The following ABCC12 variants were observed in gnomAD, a reference collection of about 807,000 sequenced individuals.
The protein encoded by ABCC12 is ATP-binding cassette sub-family C member 12.
In ABCC12, 142 loss-of-function variants were observed where a neutral mutation model predicts 151.1. That is an observed-to-expected ratio of 0.94 (90% CI 0.82 to 1.08). The LOEUF is 1.08. Ranked by LOEUF, ABCC12 falls within the 50% of genes least tolerant of loss-of-function variation. The pLI, the probability that ABCC12 is intolerant of heterozygous loss-of-function variation, is 0.00. For synonymous variants in ABCC12, 645 were observed against 646.4 expected (o/e 1.00, Z 0.03); for missense variants, 1,638 against 1,691.1 (o/e 0.97, Z 0.55).
At chr16:48,097,419 TCC>T (rs774766899) in intron 23 of ABCC12, among the ~76,000 whole-genome samples, 94 of 152,282 alleles carry the variant, frequency 6.2e-4, no homozygotes, top group Middle Eastern at 3.4e-3. Context: ...TAGGTTTCCC[TCC>T]CTGAATCAGA....
At chr16:48,141,398 G>A in intron 4 of ABCC12, 45 bp from the exon 5 acceptor site, 1 of 1,608,428 alleles carries the variant, frequency 6.2e-7, no homozygotes, top group Non-Finnish European at 8.5e-7. Flanking sequence ...GCACTTCTAT[G>A]TGCTGTTTGA....
At chr16:48,155,673 T>A (rs954842983) in intron 1 of ABCC12, 168 bp downstream of exon 1, 2 of 152,244 alleles carry the variant, frequency 1.3e-5, no homozygotes, top group African/African-American at 4.8e-5. Flanking sequence ...TCGTCCCTGC[T>A]GCCTCCCACT....
chr16:48,125,111 G>C (rs1964197190), intron 11 of ABCC12, among the ~76,000 whole-genome samples: 1 of 152,234 alleles, frequency 6.6e-6, no homozygotes, highest in African/African-American at 2.4e-5. Flanking sequence ...GGATTTGAAT[G>C]AAAGTCACAC....
chr16:48,117,134 T>G, intron 14 of ABCC12, 127 bp downstream of exon 14: 4 of 840,806 alleles, frequency 4.8e-6, no homozygotes, highest in Non-Finnish European at 7.2e-6. Context: ...GGGTGGAACC[T>G]GAGCTTTGCC....
At chr16:48,130,954 C>A in intron 9 of ABCC12, 59 bp from the exon 10 acceptor site, 2 of 1,206,630 alleles carry the variant, frequency 1.7e-6, no homozygotes, top group East Asian at 2.4e-5. Flanking sequence ...GGCTCTAAAC[C>A]GTTATACACA....
rs1481351066 is a variant in ABCC12 at position 48,083,971 on chromosome 16, T to C, written c.3931A>G (p.Ile1311Val). ...AGAACTGTGTTGAGGCGGTGGGCGA[T>C]GGTCAGCACAGTGCAGCCCTTGAAG... Reference protein sequence around the residue: ...DAFKGCTVLTIAHRLNTVLNC... With the variant: ...DAFKGCTVLTVAHRLNTVLNC... Residue 1311 changes from isoleucine to valine, a missense_variant, in exon 30 of 31, where the codon ATC (isoleucine) becomes GTC (valine). Ile to Val is a conservative substitution (Grantham distance 29). Transcript: ENST00000311303. 6.2e-7 allele frequency: 1 copy of C among 1,612,266 alleles called. No individual in the cohort carries two copies. The highest frequency in any genetic ancestry group is 1.3e-5 in the African/African-American group (1 of 74,602).
chr16:48,147,175 G>A (rs991896944), intron 2 of ABCC12, among the ~76,000 whole-genome samples: 3 of 152,230 alleles, frequency 2.0e-5, no homozygotes, highest in Admixed American at 6.5e-5. Flanking sequence ...CCCAGGTGGA[G>A]AGGACACTTT....
chr16:48,120,184 G>C (rs1843239097), intron 13 of ABCC12, among the ~76,000 whole-genome samples: 1 of 152,138 alleles, frequency 6.6e-6, no homozygotes, highest in African/African-American at 2.4e-5. Context: ...TGAGGCAGCT[G>C]GACTTCATTA....
chr16:48,128,608 A>G lies in ABCC12; in HGVS notation c.1366T>C (p.Leu456=), dbSNP rs1453952698. The part of the protein sequence containing the change: ...EASRKSTPKK[L]QNQKRHLCKK... ...CATAAATGCCTTTTCTGGTTCTGCA[A>G]TTTCTTTGGGGTACTTTTCCTGCTG... is the stretch of plus-strand genomic sequence containing the variant. The change falls in exon 11 of 31, where the codon TTG becomes CTG. Residue 456 remains leucine (L), a synonymous_variant. Transcript: ENST00000311303. 1 of 1,613,942 alleles carries G rather than the reference A, an allele frequency of 6.2e-7. No individual in the cohort carries two copies. The highest frequency in any genetic ancestry group is 8.5e-7 in the Non-Finnish European group (1 of 1,180,022).
intron 24 of ABCC12, 32 bp from the exon 25 acceptor site, chr16:48,091,241 A>G (rs1445661709): frequency 1.9e-6 from 3 of 1,600,490 alleles, no homozygotes. Flanking sequence ...CCGCAGTTAG[A>G]GCCCCTTCCT....
Position 48,085,660 on chromosome 16 carries a change from C to T in ABCC12, c.3761G>A (p.Gly1254Glu), listed in dbSNP as rs200882672. The T allele has an allele frequency of 4.3e-5, 69 of 1,614,044 alleles. No homozygotes were observed. The highest frequency in any genetic ancestry group is 5.3e-5 in the Non-Finnish European group (63 of 1,180,044). The change falls in exon 29 of 31, where the codon GGA becomes GAA. Residue 1254 changes from glycine (G) to glutamate (E), a missense_variant. Coordinates refer to ENST00000311303, the MANE Select transcript of ABCC12 (RefSeq NM_001393797.1). ...ACGTTCCCCTACTGAGAAGTTTTCT[C>T]CATTTTCTGTGACTTCTGCCTGTAA... ...EKLQAEVTEN[G>E]ENFSVGERQL...
At chr16:48,131,778 C>T (rs74018252) in intron 9 of ABCC12, among the ~76,000 whole-genome samples, 19 of 152,246 alleles carry the variant, frequency 1.2e-4, no homozygotes, top group South Asian at 8.3e-4. Flanking sequence ...CCCATGGACA[C>T]GGCCCCAGGC....
chr16:48,115,100 C>T (rs759169024), intron 15 of ABCC12, among the ~76,000 whole-genome samples: 1 of 152,100 alleles, frequency 6.6e-6, no homozygotes, highest in Non-Finnish European at 1.5e-5. Context: ...CCTGGCTCCC[C>T]ATCTTACCAG....
At chr16:48,131,022 C>G (rs757936589) in intron 9 of ABCC12, 127 bp from the exon 10 acceptor site, 1 of 643,844 alleles carries the variant, frequency 1.6e-6, no homozygotes, top group African/African-American at 1.8e-5. Context: ...TGCAGAGGAA[C>G]AATCTTTTCA....
intron 28 of ABCC12, 62 bp from the exon 29 acceptor site, chr16:48,085,768 T>C: frequency 7.6e-7 from 1 of 1,315,842 alleles, no homozygotes; most frequent in South Asian, 1.2e-5. Flanking sequence ...CTATGCTGTC[T>C]GTATTGATTG....
At chr16:48,140,011 T>C (rs1490316536) in intron 6 of ABCC12, among the ~76,000 whole-genome samples, 1 of 152,198 alleles carries the variant, frequency 6.6e-6, no homozygotes, top group Non-Finnish European at 1.5e-5. Flanking sequence ...TCCTTTTACA[T>C]AGAGTGAAAT....
At chr16:48,150,876 C>A (rs934174961) in intron 2 of ABCC12, among the ~76,000 whole-genome samples, 1 of 152,146 alleles carries the variant, frequency 6.6e-6, no homozygotes, top group Non-Finnish European at 1.5e-5. Context: ...GAATCCATTA[C>A]CATAATTATC....
At chr16:48,114,218 G>C (rs993115638) in intron 15 of ABCC12, among the ~76,000 whole-genome samples, 1 of 152,248 alleles carries the variant, frequency 6.6e-6, no homozygotes, top group African/African-American at 2.4e-5. Flanking sequence ...AGCTTATTCC[G>C]GGACCAGAAC....
At chr16:48,130,228 C>T (rs543959672) in intron 10 of ABCC12, among the ~76,000 whole-genome samples, 25 of 152,312 alleles carry the variant, frequency 1.6e-4, no homozygotes, top group African/African-American at 6.0e-4. Context: ...ATATCCTTAT[C>T]ATGTATAGAA....
Sources: allele counts gnomAD v4.1 joint callset (sites outside exome capture counted in the v4.1 genomes callset), GRCh38; gene constraint gnomAD v4.1.1; transcripts MANE v1.5; gene names NCBI Gene and HGNC (gene_info 2026-07-23, HGNC 2026-07-21).